The following CD86 variants were observed in gnomAD, a reference collection of about 807,000 sequenced individuals.
The protein encoded by CD86 is CD86 molecule.
CD86 carries 11 observed loss-of-function variants against 32.1 expected under a neutral mutation model. The observed-to-expected ratio is 0.34, with a 90% confidence interval of 0.22 to 0.57. The LOEUF (loss-of-function observed/expected upper bound fraction) is 0.57. Among genes scored for constraint, CD86 ranks in the 20% least tolerant of loss-of-function variants. CD86 has a pLI of 0.86. For missense variants in CD86, 359 were observed against 398.4 expected (o/e 0.90, Z 0.84); for synonymous variants, 137 against 135.3 (o/e 1.01, Z -0.09).
At chr3:122,112,450 G>C (rs1022561890) in intron 5 of CD86, among the ~76,000 whole-genome samples, 2 of 152,020 alleles carry the variant, frequency 1.3e-5, no homozygotes, top group African/African-American at 4.8e-5. Context: ...CCAAGTAGCT[G>C]GGACTACAGG....
At chr3:122,072,669 A>T (rs1295603420) in intron 1 of CD86, among the ~76,000 whole-genome samples, 1 of 151,820 alleles carries the variant, frequency 6.6e-6, no homozygotes, top group African/African-American at 2.4e-5. Flanking sequence ...ATTTTTTCCC[A>T]TTTTGTAGGT....
Position 122,117,946 on chromosome 3 carries a change from A to C in CD86, c.848-102A>C, listed in dbSNP as rs112680640. ...TCTCTTCCATATATAAAGTCACAAC[A>C]ATTTCTCTCTCAGTCCCAGAACTTT... On this transcript the variant is annotated intron_variant, in intron 5 of 6. Coordinates refer to ENST00000330540, the MANE Select transcript of CD86 (RefSeq NM_175862.5). 1.1e-3 allele frequency: 1,035 copies of C among 923,878 alleles called. 21 individuals are homozygous for C. In the South Asian group the frequency reaches 0.013, roughly 11 times the overall value. 57.2% of individuals were successfully genotyped at this position (923,878 alleles called of 1,614,324 possible). A position where few individuals can be genotyped will look rare whatever the true frequency, so the allele number is the denominator to read the frequency against.
In CD86 at chr3:122,119,830, G is replaced by T. The variant is rs2073315566; in HGVS notation, c.*296G>T. The T allele has an allele frequency of 4.4e-6, 1 of 226,494 alleles. No homozygotes were observed. 14.0% of individuals were successfully genotyped at this position (226,494 alleles called of 1,614,324 possible). A position where few individuals can be genotyped will look rare whatever the true frequency, so the allele number is the denominator to read the frequency against. ...AAATTTAGGACCAATACCTCCTCCA[G>T]ATCAGATTCTTCTCTTAATTTCATA... is the stretch of plus-strand genomic sequence containing the variant. On this transcript the variant is annotated 3_prime_UTR_variant, in exon 7 of 7. Transcript: ENST00000330540.
At chr3:122,088,151 A>G (rs1384231797) in intron 1 of CD86, among the ~76,000 whole-genome samples, 1 of 140,712 alleles carries the variant, frequency 7.1e-6, no homozygotes, top group Non-Finnish European at 1.6e-5. Flanking sequence ...CGATTCCCAT[A>G]TTAGGTGGGA....
rs1276158740 is a variant in CD86 at position 122,120,555 on chromosome 3, T to C, written c.*1021T>C. 1.3e-5 allele frequency: 2 copies of C among 151,706 alleles called. No individual in the cohort carries two copies. Among genetic ancestry groups the C allele is most frequent in the Non-Finnish European group, 2.9e-5 (2 of 67,958 alleles). 9.4% of individuals were successfully genotyped at this position (151,706 alleles called of 1,614,324 possible). A position where few individuals can be genotyped will look rare whatever the true frequency, so the allele number is the denominator to read the frequency against. Reference sequence around the variant, plus strand: ...AGTTTCCCTGGTGGTCAGGGAGGGGTTTTGGTGATACCCAAGTTATTGGGA... The same window carrying C: ...AGTTTCCCTGGTGGTCAGGGAGGGGCTTTGGTGATACCCAAGTTATTGGGA... On this transcript the variant is annotated 3_prime_UTR_variant, in exon 7 of 7. Transcript: ENST00000330540.
chr3:122,112,563 T>C (rs1486738018), intron 5 of CD86, among the ~76,000 whole-genome samples: 1 of 152,148 alleles, frequency 6.6e-6, no homozygotes, highest in Non-Finnish European at 1.5e-5. Context: ...GATCCGTTTT[T>C]AACCAACATT....
intron 1 of CD86, among the ~76,000 whole-genome samples, chr3:122,059,535 CAAAAA>C (rs35060876): frequency 1.5e-5 from 1 of 67,960 alleles, no homozygotes. Context: ...GACTCCGTCT[CAAAAA>C]AAAAAAAAAA....
At chr3:122,113,003 C>T (rs1214777833) in intron 5 of CD86, among the ~76,000 whole-genome samples, 2 of 152,134 alleles carry the variant, frequency 1.3e-5, no homozygotes, top group Admixed American at 6.5e-5. Context: ...TCTCTCACCC[C>T]TCCCACTCTT....
chr3:122,064,710 G>A (rs1370926156), intron 1 of CD86, among the ~76,000 whole-genome samples: 1 of 152,096 alleles, frequency 6.6e-6, no homozygotes, highest in Non-Finnish European at 1.5e-5. Context: ...TATCTGGAGG[G>A]GCTGGTTTGG....
At chr3:122,072,544 G>A (rs1468649518) in intron 1 of CD86, among the ~76,000 whole-genome samples, 1 of 152,184 alleles carries the variant, frequency 6.6e-6, no homozygotes, top group Non-Finnish European at 1.5e-5. Context: ...AGAAGTGTCT[G>A]TTCATATCCC....
At chr3:122,092,458 A>G (rs2072840312) in intron 2 of CD86, among the ~76,000 whole-genome samples, 1 of 152,088 alleles carries the variant, frequency 6.6e-6, no homozygotes, top group Non-Finnish European at 1.5e-5. Flanking sequence ...AGTCAGGGGC[A>G]TTTTGTATTT....
rs113741816 is a variant in CD86, at chr3:122,120,353, T to C, written c.*819T>C. 0.017 allele frequency: 2,637 copies of C among 152,088 alleles called. 27 individuals are homozygous for C. The highest frequency in any genetic ancestry group is 0.026 in the Non-Finnish European group (1,775 of 68,032). The allele number at this position is 152,088 out of a possible 1,614,324, so 9.4% of individuals were successfully genotyped here. On this transcript the variant is annotated 3_prime_UTR_variant, in exon 7 of 7. Coordinates refer to ENST00000330540, the MANE Select transcript of CD86 (RefSeq NM_175862.5). ...TGAAGAACTGACTAGTGAGATGGCC[T>C]GGGGAAGCTGTGAAAGAACCAAAAG...
chr3:122,099,153 A>T (rs961100672), intron 2 of CD86, among the ~76,000 whole-genome samples: 2 of 152,228 alleles, frequency 1.3e-5, no homozygotes, highest in African/African-American at 2.4e-5. Flanking sequence ...AAAATTAAAG[A>T]GTGATTTGAG....
chr3:122,062,407 T>C (rs556928997), intron 1 of CD86, among the ~76,000 whole-genome samples: 1 of 152,312 alleles, frequency 6.6e-6, no homozygotes, highest in Admixed American at 6.5e-5. Flanking sequence ...TTTCAGTTCA[T>C]TCAGCATCTT....
At chr3:122,110,004 A>G (rs2073149059) in intron 5 of CD86, among the ~76,000 whole-genome samples, 1 of 152,192 alleles carries the variant, frequency 6.6e-6, no homozygotes, top group African/African-American at 2.4e-5. Flanking sequence ...TTTGGTGCCT[A>G]TCTTTAAGAT....
chr3:122,066,260 G>T (rs1042441449), intron 1 of CD86, among the ~76,000 whole-genome samples: 4 of 152,130 alleles, frequency 2.6e-5, no homozygotes, highest in African/African-American at 7.2e-5. Context: ...CACTTAGAAG[G>T]TTGAATGGTT....
chr3:122,057,618 A>G (rs969376610), intron 1 of CD86, among the ~76,000 whole-genome samples: 1 of 152,252 alleles, frequency 6.6e-6, no homozygotes, highest in Non-Finnish European at 1.5e-5. Context: ...TAAGATTTAA[A>G]AAAAACAATA....
chr3:122,119,510 C>T lies in CD86; in HGVS notation c.966C>T (p.Cys322=), dbSNP rs776322796. 2.1e-5 allele frequency: 34 copies of T among 1,601,712 alleles called. No homozygotes were observed. The East Asian group carries it at 2.2e-4, about 11-fold the overall frequency. The change falls in exon 7 of 7, where the codon TGC becomes TGT. Residue 322 remains cysteine (C), a synonymous_variant. Transcript: ENST00000330540. ...RVFKSSKTSS[C]DKSDTCF The stretch of plus-strand genomic sequence containing the variant: ...TTAAAAGTTCGAAGACATCTTCATG[C>T]GACAAAAGTGATACATGTTTTTAAT...
At chr3:122,059,094 G>A (rs527585800) in intron 1 of CD86, among the ~76,000 whole-genome samples, 3 of 152,214 alleles carry the variant, frequency 2.0e-5, no homozygotes, top group Admixed American at 2.0e-4. Context: ...TTGAGTTTGA[G>A]GTGCCTGTGG....
Sources: allele counts gnomAD v4.1 joint callset (sites outside exome capture counted in the v4.1 genomes callset), GRCh38; gene constraint gnomAD v4.1.1; transcripts MANE v1.5; gene names NCBI Gene and HGNC (gene_info 2026-07-23, HGNC 2026-07-21).